Variants in FOXO3 observed in about 807,000 individuals in gnomAD.
FOXO3 encodes the protein forkhead box protein O3.
A neutral mutation model predicts 41.9 loss-of-function variants in FOXO3; 4 were observed. The ratio of observed to expected loss-of-function variants is 0.10; its 90% CI spans 0.05 to 0.22. FOXO3 has a LOEUF of 0.22. FOXO3 is among the 10% of genes least tolerant of loss of function. The pLI is 1.00. For synonymous variants in FOXO3, 318 were observed against 389.3 expected, an observed-to-expected ratio of 0.82 and a Z score of 2.16; for missense variants, 534 against 906.8, an observed-to-expected ratio of 0.59 and a Z score of 5.28.
At chr6:108,616,156 G>GTTTTTT (rs35632295) in intron 1 of FOXO3, among the ~76,000 whole-genome samples, 10 of 55,156 alleles carry the variant, frequency 1.8e-4, no homozygotes, top group African/African-American at 5.5e-4. Context: ...CCCAACTAAG[G>GTTTTTT]TTTTTTTTTT....
At chr6:108,672,982 A>T (rs1779260627) in intron 2 of FOXO3, among the ~76,000 whole-genome samples, 2 of 152,110 alleles carry the variant, frequency 1.3e-5, no homozygotes, top group Admixed American at 1.3e-4. Context: ...ATTTTCAGTT[A>T]ATTTCCAGTA....
intron 1 of FOXO3, among the ~76,000 whole-genome samples, chr6:108,622,667 G>A (rs552394763): frequency 1.6e-4 from 25 of 152,220 alleles, no homozygotes; most frequent in Non-Finnish European, 2.4e-4. Flanking sequence ...GAAGGGGCCC[G>A]TGTGAGGAAC....
At chr6:108,589,882 A>G (rs1244566443) in intron 1 of FOXO3, among the ~76,000 whole-genome samples, 1 of 152,250 alleles carries the variant, frequency 6.6e-6, no homozygotes, top group Admixed American at 6.5e-5. Context: ...GTGAATCTGC[A>G]ATTTCATGAA....
At chr6:108,585,590 C>T (rs926157703) in intron 1 of FOXO3, among the ~76,000 whole-genome samples, 3 of 152,158 alleles carry the variant, frequency 2.0e-5, no homozygotes, top group African/African-American at 7.2e-5. Context: ...TCTTACTCAG[C>T]GCTTCAGCAG....
chr6:108,647,069 T>A (rs1054490184), intron 1 of FOXO3, among the ~76,000 whole-genome samples: 5 of 152,230 alleles, frequency 3.3e-5, no homozygotes, highest in Admixed American at 6.5e-5. Flanking sequence ...ACGGGAGTTT[T>A]AAAATGTCCA....
intron 1 of FOXO3, among the ~76,000 whole-genome samples, chr6:108,623,358 T>C (rs575785129): frequency 5.9e-5 from 9 of 152,348 alleles, no homozygotes; most frequent in African/African-American, 2.2e-4. Flanking sequence ...TAGGTTTTAC[T>C]GAACCCACCT....
intron 1 of FOXO3, among the ~76,000 whole-genome samples, chr6:108,567,321 T>C (rs1237161881): frequency 6.6e-6 from 1 of 152,076 alleles, no homozygotes; most frequent in Non-Finnish European, 1.5e-5. Context: ...TTGGGTCTGT[T>C]TGGGAGAAGC....
Position 108,561,489 on chromosome 6 carries a change from T to C in FOXO3, c.281T>C (p.Leu94Pro). The C allele has an allele frequency of 6.7e-7, 1 of 1,489,912 alleles. No homozygotes were observed. 92.3% of individuals were successfully genotyped at this position (1,489,912 alleles called of 1,614,324 possible). The stretch of plus-strand genomic sequence containing the variant: ...GGCACGCTGGGCTCCGGGCTGCTCC[T>C]TGAGGACTCGGCCCGGGTGCTGGCA... ...GSGTLGSGLL[L>P]EDSARVLAPG... The change falls in exon 1 of 3, where the codon CTT becomes CCT. Residue 94 changes from leucine to proline, a missense_variant. Physicochemically the swap from Leu to Pro is moderately conservative, Grantham distance 98. Around this residue, in one of 8 missense-constraint regions of FOXO3, gnomAD observed 139 missense variants for 163.7 expected, o/e 0.85. Transcript: ENST00000406360.
chr6:108,623,991 G>T (rs1346398671), intron 1 of FOXO3, among the ~76,000 whole-genome samples: 1 of 152,190 alleles, frequency 6.6e-6, no homozygotes, highest in African/African-American at 2.4e-5. Context: ...AGCAGTCCTT[G>T]TTGCCACCAA....
intron 1 of FOXO3, among the ~76,000 whole-genome samples, chr6:108,648,174 A>G (rs1778445626): frequency 1.3e-5 from 2 of 152,304 alleles, no homozygotes; most frequent in East Asian, 1.9e-4. Context: ...GGACTCCATA[A>G]TGGAATCTGT....
chr6:108,591,505 GA>G (rs1357980340), intron 1 of FOXO3, among the ~76,000 whole-genome samples: 1 of 152,160 alleles, frequency 6.6e-6, no homozygotes, highest in Non-Finnish European at 1.5e-5. Flanking sequence ...AAATCATCGG[GA>G]AAAAGCAGAA....
At chr6:108,643,254 A>G (rs1446110279) in intron 1 of FOXO3, among the ~76,000 whole-genome samples, 3 of 152,304 alleles carry the variant, frequency 2.0e-5, no homozygotes, top group Middle Eastern at 3.4e-3. Context: ...TGTGTAAACA[A>G]TCAGTTCTTT....
At chr6:108,608,907 C>A (rs1777281243) in intron 1 of FOXO3, among the ~76,000 whole-genome samples, 2 of 152,134 alleles carry the variant, frequency 1.3e-5, no homozygotes. Flanking sequence ...TTGTTTCAAC[C>A]TCAGGACAGT....
At chr6:108,607,245 A>C (rs1777230511) in intron 1 of FOXO3, among the ~76,000 whole-genome samples, 1 of 152,130 alleles carries the variant, frequency 6.6e-6, no homozygotes, top group Non-Finnish European at 1.5e-5. Context: ...TGAGCTCAGG[A>C]GTTCAAGACC....
In FOXO3 at chr6:108,628,855, A is replaced by G. The variant is rs575489895; in HGVS notation, c.622-34600A>G. ...TTGGGTGGGTGAAAACACTTTACAC[A>G]ATAAGTTCTTGGTGGTCTCCTGACC... On this transcript the variant is annotated intron_variant, in intron 1 of 2. Coordinates refer to ENST00000406360, the MANE Select transcript of FOXO3 (RefSeq NM_001455.4). 3.3e-5 allele frequency among the ~76,000 whole-genome samples: 5 copies of G among 152,118 alleles called. No individual in the cohort carries two copies. The East Asian group carries it at 7.8e-4, about 24-fold the overall frequency.
rs1770815764 is a variant in FOXO3 at position 108,680,759 on chromosome 6, A to C, written c.*967A>C. The C allele has an allele frequency of 6.8e-6, 1 of 146,782 alleles. No individual in the cohort carries two copies. The highest frequency in any genetic ancestry group is 6.8e-5 in the Admixed American group (1 of 14,736). The allele number at this position is 146,782 out of a possible 1,614,324, so 9.1% of individuals were successfully genotyped here. ...TTAAGGAGAAAGAAAAGGAAAAAAA[A>C]AAAAAACAAAAAAGTCCTGTTTTGC... is the stretch of plus-strand genomic sequence containing the variant. On this transcript the variant is annotated 3_prime_UTR_variant, in exon 3 of 3. Coordinates refer to ENST00000406360, the MANE Select transcript of FOXO3 (RefSeq NM_001455.4).
At chr6:108,671,119 G>T (rs1779204957) in intron 2 of FOXO3, among the ~76,000 whole-genome samples, 1 of 152,138 alleles carries the variant, frequency 6.6e-6, no homozygotes, top group Non-Finnish European at 1.5e-5. Flanking sequence ...GATGTGCCTG[G>T]TTTTCTGGGA....
intron 1 of FOXO3, among the ~76,000 whole-genome samples, chr6:108,580,863 T>C (rs1383613343): frequency 6.6e-5 from 10 of 152,220 alleles, no homozygotes; most frequent in African/African-American, 2.4e-4. Context: ...TTTTCAGACT[T>C]GTACTCTTGT....
At chr6:108,605,145 G>T (rs953372469) in intron 1 of FOXO3, among the ~76,000 whole-genome samples, 2 of 151,890 alleles carry the variant, frequency 1.3e-5, no homozygotes, top group African/African-American at 4.8e-5. Context: ...CTGAGACGGA[G>T]TCTCATTCTG....
Sources: gnomAD v4.1 joint callset for allele counts (sites outside exome capture counted in the v4.1 genomes callset) on GRCh38, gnomAD v4.1.1 for gene constraint, gnomAD v4.1.1 regional missense constraint, MANE v1.5 for transcripts, NCBI Gene and HGNC (gene_info 2026-07-23, HGNC 2026-07-21) for gene names.